The following PTPRN2 variants were observed in gnomAD, a reference collection of about 807,000 sequenced individuals.
PTPRN2 encodes protein tyrosine phosphatase receptor type N2.
A neutral mutation model predicts 118.8 loss-of-function variants in PTPRN2; 74 were observed. The ratio of observed to expected loss-of-function variants is 0.62; its 90% CI spans 0.52 to 0.76. The LOEUF (loss-of-function observed/expected upper bound fraction) is 0.76. Ranked by LOEUF, PTPRN2 falls within the 30% of genes least tolerant of loss-of-function variation. PTPRN2 has a pLI of 0.00. For synonymous variants in PTPRN2, 641 were observed against 608.0 expected, an observed-to-expected ratio of 1.05 and a Z score of -0.80; for missense variants, 1,481 against 1,394.4, an observed-to-expected ratio of 1.06 and a Z score of -0.99.
intron 5 of PTPRN2, among the ~76,000 whole-genome samples, chr7:158,172,078 T>C (rs1335567134): frequency 2.6e-5 from 4 of 152,164 alleles, no homozygotes; most frequent in African/African-American, 9.7e-5. Flanking sequence ...CTACTGGGAA[T>C]ATTCTTCAAC....
At chr7:157,926,839 C>G (rs1012941642) in intron 11 of PTPRN2, among the ~76,000 whole-genome samples, 1 of 152,214 alleles carries the variant, frequency 6.6e-6, no homozygotes, top group African/African-American at 2.4e-5. Context: ...GTCGCCTCCC[C>G]CTGCATCTGG....
At chr7:157,963,561 A>G (rs1801688577) in intron 11 of PTPRN2, among the ~76,000 whole-genome samples, 1 of 152,264 alleles carries the variant, frequency 6.6e-6, no homozygotes, top group Admixed American at 6.5e-5. Flanking sequence ...ATTACTTCAC[A>G]CGTTCTCTGA....
intron 5 of PTPRN2, among the ~76,000 whole-genome samples, chr7:158,167,863 A>G (rs1823174067): frequency 6.6e-6 from 1 of 152,234 alleles, no homozygotes. Context: ...GCCAAGTACT[A>G]TCCCACTGCA....
chr7:158,014,432 T>TCC (rs1806288748), intron 11 of PTPRN2, among the ~76,000 whole-genome samples: 1 of 151,532 alleles, frequency 6.6e-6, no homozygotes, highest in Non-Finnish European at 1.5e-5. Flanking sequence ...CCTGCTCATC[T>TCC]ATTCATCCAT....
intron 3 of PTPRN2, among the ~76,000 whole-genome samples, chr7:158,262,667 C>T (rs563924667): frequency 1.9e-4 from 28 of 145,350 alleles, no homozygotes; most frequent in East Asian, 8.5e-4. Flanking sequence ...ACACACTGCA[C>T]GCACATTCAC....
intron 12 of PTPRN2, among the ~76,000 whole-genome samples, chr7:157,856,788 A>G (rs1423596233): frequency 6.6e-6 from 1 of 152,200 alleles, no homozygotes; most frequent in African/African-American, 2.4e-5. Context: ...TATGTCTGTC[A>G]GTCAAAGTGG....
chr7:157,633,144 C>CTTTTT (rs113679613), intron 14 of PTPRN2, among the ~76,000 whole-genome samples: 1 of 142,108 alleles, frequency 7.0e-6, no homozygotes, highest in Non-Finnish European at 1.5e-5. Flanking sequence ...CTTTTCTTTT[C>CTTTTT]TTTTTTTTTT....
At chr7:157,666,891 G>A (rs1039471567) in intron 13 of PTPRN2, among the ~76,000 whole-genome samples, 52 of 152,028 alleles carry the variant, frequency 3.4e-4, no homozygotes, top group African/African-American at 1.2e-3. Flanking sequence ...GGTGTGATGA[G>A]TACGAGCCCT....
chr7:157,577,119 A>C (rs1800099029), intron 18 of PTPRN2, among the ~76,000 whole-genome samples: 1 of 152,238 alleles, frequency 6.6e-6, no homozygotes, highest in African/African-American at 2.4e-5. Context: ...AACCAGAGAA[A>C]AATTACACTT....
At chr7:157,906,884 T>G (rs1042853654) in intron 11 of PTPRN2, among the ~76,000 whole-genome samples, 3 of 152,296 alleles carry the variant, frequency 2.0e-5, no homozygotes, top group Admixed American at 1.3e-4. Context: ...GAGAAGGCCC[T>G]GCTCTAAGCT....
intron 11 of PTPRN2, among the ~76,000 whole-genome samples, chr7:157,933,829 AC>A (rs1799540071): frequency 8.5e-6 from 1 of 117,158 alleles, no homozygotes; most frequent in Non-Finnish European, 2.0e-5. Context: ...AGGGTGAGTC[AC>A]TCTGATTGAC....
At chr7:158,472,853 T>G (rs60299315) in intron 2 of PTPRN2, among the ~76,000 whole-genome samples, 13,803 of 152,196 alleles carry the variant, frequency 0.091, 687 homozygotes, top group Middle Eastern at 0.11. Flanking sequence ...CGTCAGTAAC[T>G]GGGAGGCAGC....
intron 12 of PTPRN2, among the ~76,000 whole-genome samples, chr7:157,730,806 A>G (rs1799852681): frequency 1.3e-5 from 2 of 152,156 alleles, no homozygotes; most frequent in African/African-American, 4.8e-5. Context: ...GCCTGGGCAC[A>G]TGGCGGAGAC....
intron 11 of PTPRN2, among the ~76,000 whole-genome samples, chr7:158,065,983 C>A (rs903155345): frequency 6.6e-6 from 1 of 152,206 alleles, no homozygotes; most frequent in African/African-American, 2.4e-5. Flanking sequence ...AAAGATCCTG[C>A]CCTGGCTCTC....
chr7:158,167,032 C>T lies in PTPRN2; in HGVS notation c.809G>A (p.Arg270His), dbSNP rs751826612. 4.5e-5 allele frequency: 68 copies of T among 1,527,084 alleles called. No homozygotes were observed. Among genetic ancestry groups the T allele is most frequent in the South Asian group, 2.8e-4 (22 of 78,930 alleles). 94.6% of individuals were successfully genotyped at this position (1,527,084 alleles called of 1,614,324 possible). The change falls in exon 6 of 23, where the codon CGT (arginine) becomes CAT (histidine). Residue 270 changes from arginine (R) to histidine (H), a missense_variant. Physicochemically the swap from Arg to His is conservative, Grantham distance 29. This residue lies in a region of PTPRN2 where 1,115 missense variants were observed against 994.2 expected (regional missense o/e 1.12). Coordinates refer to ENST00000389418, the MANE Select transcript of PTPRN2 (RefSeq NM_002847.5). ...EGSLEPQYLL[R>H]APSRMPRPLL... Reference sequence around the variant, plus strand: ...AGGCCTGGGCATTCTTGAGGGTGCACGCAGAAGGTACTGTGGCTCCAGGCT... The same window carrying T: ...AGGCCTGGGCATTCTTGAGGGTGCATGCAGAAGGTACTGTGGCTCCAGGCT...
intron 2 of PTPRN2, among the ~76,000 whole-genome samples, chr7:158,355,867 T>C (rs1479978958): frequency 1.3e-5 from 2 of 152,172 alleles, no homozygotes; most frequent in Non-Finnish European, 2.9e-5. Context: ...CACGTGGGGA[T>C]GCGGGAAGGC....
chr7:158,273,514 AGACATGGGAGGAGCCG>A (rs1798674580), intron 3 of PTPRN2, among the ~76,000 whole-genome samples: 3 of 134,636 alleles, frequency 2.2e-5, no homozygotes, highest in Admixed American at 1.4e-4. Context: ...AGCCGCAGAC[AGACATGGGAGGAGCCG>A]CAGACACGGG....
intron 3 of PTPRN2, among the ~76,000 whole-genome samples, chr7:158,264,175 G>A (rs1021327419): frequency 2.6e-5 from 4 of 152,324 alleles, no homozygotes; most frequent in African/African-American, 2.4e-5. Context: ...GCAGCAGCGC[G>A]TCAGGCAGAA....
intron 11 of PTPRN2, among the ~76,000 whole-genome samples, chr7:157,951,498 T>C (rs1301952502): frequency 6.6e-6 from 1 of 152,152 alleles, no homozygotes; most frequent in Non-Finnish European, 1.5e-5. Context: ...CTTCACAGTC[T>C]GTCAACAGGA....
Sources: allele counts gnomAD v4.1 joint callset (sites outside exome capture counted in the v4.1 genomes callset), GRCh38; gene constraint gnomAD v4.1.1; regional missense constraint gnomAD v4.1.1; transcripts MANE v1.5; gene names NCBI Gene and HGNC (gene_info 2026-07-23, HGNC 2026-07-21).